RALGAPA2: variants seen among roughly 807,000 people sequenced by gnomAD.
The protein encoded by RALGAPA2 is Ral GTPase activating protein catalytic subunit alpha 2.
A neutral mutation model predicts 230.4 loss-of-function variants in RALGAPA2; 139 were observed. That is an observed-to-expected ratio of 0.60 (90% CI 0.53 to 0.69). RALGAPA2 has a LOEUF of 0.69. Among genes scored for constraint, RALGAPA2 ranks in the 30% least tolerant of loss-of-function variants. The pLI is 0.00. For synonymous variants in RALGAPA2, 847 were observed against 837.8 expected (o/e 1.01, Z -0.19); for missense variants, 2,163 against 2,276.0 (o/e 0.95, Z 1.01).
At chr20:20,679,980 A>T (rs1350167473) in intron 2 of RALGAPA2, among the ~76,000 whole-genome samples, 1 of 152,238 alleles carries the variant, frequency 6.6e-6, no homozygotes, top group African/African-American at 2.4e-5. Flanking sequence ...AGATGGTGAC[A>T]GCAGCTACTA....
In RALGAPA2 at chr20:20,513,146, T is replaced by C. The variant is rs750726696; in HGVS notation, c.4223A>G (p.Asn1408Ser). 1 of 1,559,872 alleles carries C rather than the reference T, an allele frequency of 6.4e-7. No homozygotes were observed. Among genetic ancestry groups the C allele is most frequent in the African/African-American group, 1.4e-5 (1 of 73,036 alleles). The change falls in exon 32 of 40, where the codon AAT becomes AGT. Residue 1408 changes from asparagine (N) to serine (S), a missense_variant. Asn to Ser is a conservative substitution (Grantham distance 46, BLOSUM62 1). Transcript: ENST00000202677. ...CAGCTCGGAGCCTTCCACATGGGCA[T>C]TGTCATGGTTCTCGCTGACAAGGCT... ...LHSLVSENHD[N>S]AHVEGSELSF...
chr20:20,692,384 A>G (rs1885834206), intron 1 of RALGAPA2, among the ~76,000 whole-genome samples: 1 of 152,238 alleles, frequency 6.6e-6, no homozygotes, highest in African/African-American at 2.4e-5. Context: ...AACTGAGAGC[A>G]GCCTGGAGCA....
Position 20,629,357 on chromosome 20 carries a change from A to T in RALGAPA2, c.1233+6T>A, listed in dbSNP as rs762728643. The T allele has an allele frequency of 4.3e-5, 66 of 1,542,764 alleles. No homozygotes were observed. Among genetic ancestry groups the T allele is most frequent in the Admixed American group, 2.1e-4 (11 of 52,222 alleles). On this transcript the variant is annotated splice_donor_region_variant and intron_variant, in intron 10 of 39. Transcript: ENST00000202677. ...CACACACACACACACACACACACAC[A>T]CTAACCTGGTGAAATACTTCATTCA... is the stretch of plus-strand genomic sequence containing the variant.
chr20:20,490,757 T>C (rs906862818), intron 36 of RALGAPA2, among the ~76,000 whole-genome samples: 9 of 152,124 alleles, frequency 5.9e-5, no homozygotes, highest in Non-Finnish European at 1.3e-4. Flanking sequence ...AATGCTCTTG[T>C]AACTTCTGGC....
chr20:20,704,951 C>T (rs1028010843), intron 1 of RALGAPA2, among the ~76,000 whole-genome samples: 1 of 152,198 alleles, frequency 6.6e-6, no homozygotes, highest in Admixed American at 6.5e-5. Context: ...TACCTCAGAC[C>T]TAAGCTCCCT....
At chr20:20,478,013 A>G (rs887433753) in intron 36 of RALGAPA2, among the ~76,000 whole-genome samples, 6 of 152,238 alleles carry the variant, frequency 3.9e-5, no homozygotes, top group African/African-American at 1.2e-4. Context: ...CCTCTCTTCT[A>G]GGTTATAAAG....
At chr20:20,660,460 G>T (rs1411615484) in intron 3 of RALGAPA2, among the ~76,000 whole-genome samples, 15 of 151,726 alleles carry the variant, frequency 9.9e-5, no homozygotes, top group Admixed American at 7.2e-4. Context: ...TAACATGTAG[G>T]TATCAACAAA....
chr20:20,616,698 G>C (rs1253446515), intron 12 of RALGAPA2, among the ~76,000 whole-genome samples: 1 of 152,146 alleles, frequency 6.6e-6, no homozygotes, highest in African/African-American at 2.4e-5. Context: ...CTCAACAGGG[G>C]TCAGAACCTC....
In RALGAPA2 at chr20:20,524,849, G is replaced by A. The variant is rs1395002285; in HGVS notation, c.3743C>T (p.Ser1248Leu). The change falls in exon 29 of 40, where the codon TCA (serine) becomes TTA (leucine). Residue 1248 changes from serine to leucine, a missense_variant. Physicochemically the swap from Ser to Leu is moderately radical, Grantham distance 145 (BLOSUM62 -2). Transcript: ENST00000202677. ...ACCTACCTTCTTGTCTGTTTCCACT[G>A]AGGAGTACTCTGCACTTGGTAAAAG... is the stretch of plus-strand genomic sequence containing the variant. ...AFLLPSAEYS[S>L]VETDKKFIVS... 2.5e-6 allele frequency: 4 copies of A among 1,609,710 alleles called. No homozygotes were observed. In the South Asian group the frequency reaches 3.3e-5, roughly 13 times the overall value.
intron 10 of RALGAPA2, 56 bp from the exon 11 acceptor site, chr20:20,620,686 G>A: frequency 7.0e-7 from 1 of 1,435,470 alleles, no homozygotes; most frequent in Non-Finnish European, 9.4e-7. Flanking sequence ...ATCAGTATAG[G>A]GCAGCATCAC....
intron 37 of RALGAPA2, among the ~76,000 whole-genome samples, chr20:20,454,832 T>G (rs568662459): frequency 7.2e-4 from 110 of 152,338 alleles, no homozygotes; most frequent in African/African-American, 1.6e-3. Context: ...GCTCTTCAGT[T>G]ACTGGCATTT....
intron 37 of RALGAPA2, among the ~76,000 whole-genome samples, chr20:20,458,578 A>ATGTATTT (rs2061194784): frequency 8.3e-6 from 1 of 120,874 alleles, no homozygotes; most frequent in African/African-American, 3.7e-5. Context: ...TATAATATAT[A>ATGTATTT]TACCAATACA....
At position 20,512,988 on chromosome 20, in the gene RALGAPA2, C is replaced by T. The variant is rs1426546999; in HGVS notation, c.4381G>A (p.Val1461Ile). Residue 1461 changes from valine (V) to isoleucine (I), a missense_variant, in exon 32 of 40, where the codon GTA becomes ATA. Val to Ile is a conservative substitution (Grantham distance 29). Transcript: ENST00000202677. ...TTCCCTGAGATATCCCTCACAATTA[C>T]TCTCACATCAGAGAGAGAGCCCACT... ...SPVGSLSDVR[V>I]IVRDISGKYS... 8 of 1,613,840 alleles carry T rather than the reference C, an allele frequency of 5.0e-6. No homozygotes were observed. The highest frequency in any genetic ancestry group is 6.8e-6 in the Non-Finnish European group (8 of 1,179,790).
chr20:20,633,427 G>A (rs779452526), intron 9 of RALGAPA2, among the ~76,000 whole-genome samples: 4 of 152,108 alleles, frequency 2.6e-5, no homozygotes, highest in Middle Eastern at 3.2e-3. Flanking sequence ...GAGCCACTGC[G>A]CCCAGCCTAC....
Position 20,680,671 on chromosome 20 carries a change from A to G in RALGAPA2, c.217+20T>C, listed in dbSNP as rs570738516. The G allele has an allele frequency of 6.6e-7, 1 of 1,512,388 alleles. No individual in the cohort carries two copies. The highest frequency in any genetic ancestry group is 2.4e-5 in the East Asian group (1 of 41,866). The allele number at this position is 1,512,388 out of a possible 1,614,324, so 93.7% of individuals were successfully genotyped here. On this transcript the variant is annotated intron_variant, in intron 2 of 39. Coordinates refer to ENST00000202677, the MANE Select transcript of RALGAPA2 (RefSeq NM_020343.4). ...AAAATGCCCGAATGTTTTTTAAAAA[A>G]AAACTACTGAAATGCTTACCTTTTA...
intron 11 of RALGAPA2, among the ~76,000 whole-genome samples, chr20:20,619,998 G>A (rs1453562445): frequency 6.6e-6 from 1 of 152,202 alleles, no homozygotes; most frequent in Non-Finnish European, 1.5e-5. Context: ...GCTTAAAGGG[G>A]AGGGACACTG....
rs570077258 is a variant in RALGAPA2, at chr20:20,406,428, G to A, written c.5617+5599C>T. Among the ~76,000 whole-genome samples, 26 of 152,306 alleles carry A rather than the reference G, an allele frequency of 1.7e-4. No homozygotes were observed. In the South Asian group the frequency reaches 5.2e-3, roughly 30 times the overall value. On this transcript the variant is annotated intron_variant, in intron 38 of 39. Coordinates refer to ENST00000202677, the MANE Select transcript of RALGAPA2 (RefSeq NM_020343.4). The stretch of plus-strand genomic sequence containing the variant: ...AAGCAAAAGTGGTCAGAATCAAGCC[G>A]GTTATGAGGGAAGGAAGACTTGGGC...
intron 3 of RALGAPA2, among the ~76,000 whole-genome samples, chr20:20,675,653 C>G (rs1456650310): frequency 6.6e-6 from 1 of 152,076 alleles, no homozygotes; most frequent in African/African-American, 2.4e-5. Context: ...AAGTCAAAAA[C>G]CACACCCAAA....
rs556534951 is a variant in RALGAPA2, at chr20:20,712,300, C to T, written c.106+75G>A. 5.3e-4 allele frequency: 761 copies of T among 1,446,784 alleles called. 5 individuals carry two copies. The African/African-American group carries it at 9.7e-3, about 19-fold the overall frequency. 89.6% of individuals were successfully genotyped at this position (1,446,784 alleles called of 1,614,324 possible). On this transcript the variant is annotated intron_variant, in intron 1 of 39. Transcript: ENST00000202677. The surrounding 1 kb of genome is among the most constrained non-coding windows in gnomAD (Gnocchi z 5.5). ...TCCCCAGCCTCCCAGCCACCGACCC[C>T]TGCACAGAGGAGCGCCCTCCCGGCA...
Sources: gnomAD v4.1 joint callset for allele counts (sites outside exome capture counted in the v4.1 genomes callset) on GRCh38, gnomAD v4.1.1 for gene constraint, Gnocchi (gnomAD v3.1) non-coding constraint, MANE v1.5 for transcripts, NCBI Gene and HGNC (gene_info 2026-07-23, HGNC 2026-07-21) for gene names.